Variants in CCSER1 observed in about 807,000 individuals in gnomAD.
CCSER1 encodes the protein serine-rich coiled-coil domain-containing protein 1.
In CCSER1, 41 loss-of-function variants were observed where a neutral mutation model predicts 82.0. That is an observed-to-expected ratio of 0.50 (90% CI 0.39 to 0.65). The LOEUF is 0.65. CCSER1 is among the 30% of genes least tolerant of loss of function. The pLI is 0.00. For synonymous variants in CCSER1, 414 were observed against 383.9 expected, an observed-to-expected ratio of 1.08 and a Z score of -0.92; for missense variants, 1,119 against 1,064.2, an observed-to-expected ratio of 1.05 and a Z score of -0.72.
At chr4:91,082,180 G>C (rs1474521588) in intron 9 of CCSER1, among the ~76,000 whole-genome samples, 1 of 152,186 alleles carries the variant, frequency 6.6e-6, no homozygotes, top group East Asian at 1.9e-4. Flanking sequence ...CAAGGCTACA[G>C]TAACCAAAAC....
At chr4:91,553,959 T>C (rs1212268225) in intron 10 of CCSER1, among the ~76,000 whole-genome samples, 2 of 151,218 alleles carry the variant, frequency 1.3e-5, no homozygotes, top group African/African-American at 4.9e-5. Context: ...TTCTTTTTAC[T>C]TAATGTGTAT....
chr4:90,143,491 T>TACAC (rs56859054), intron 1 of CCSER1, among the ~76,000 whole-genome samples: 6,466 of 141,280 alleles, frequency 0.046, 175 homozygotes, highest in African/African-American at 0.076. Context: ...AGTACACACA[T>TACAC]ACACACACAC....
At chr4:91,429,665 T>G (rs1284496871) in intron 10 of CCSER1, among the ~76,000 whole-genome samples, 1 of 151,910 alleles carries the variant, frequency 6.6e-6, no homozygotes, top group Non-Finnish European at 1.5e-5. Context: ...CCACAAACTT[T>G]ACTGATATTT....
chr4:90,275,063 T>A (rs1219112435), intron 1 of CCSER1, among the ~76,000 whole-genome samples: 1 of 152,198 alleles, frequency 6.6e-6, no homozygotes, highest in East Asian at 1.9e-4. Context: ...AATCTCTTTC[T>A]AACTTTATCG....
rs143497012 is a variant in CCSER1 at position 90,904,899 on chromosome 4, T to G, written c.2095-18471T>G. ...ACCCTTATTTTCAGTTCATCCTGCT[T>G]CTTCTTCGCCCATTCATCCCATCTC... On this transcript the variant is annotated intron_variant, in intron 8 of 10. Coordinates refer to ENST00000509176, the MANE Select transcript of CCSER1 (RefSeq NM_001145065.2). Among the ~76,000 whole-genome samples, 48 of 152,210 alleles carry G rather than the reference T, an allele frequency of 3.2e-4. No individual in the cohort carries two copies. The East Asian group carries it at 8.3e-3, about 26-fold the overall frequency.
intron 1 of CCSER1, among the ~76,000 whole-genome samples, chr4:90,132,936 G>C (rs1460613167): frequency 6.6e-6 from 1 of 152,142 alleles, no homozygotes; most frequent in Non-Finnish European, 1.5e-5. Context: ...TCTTAACCTA[G>C]AGTAGTGGTT....
intron 3 of CCSER1, among the ~76,000 whole-genome samples, chr4:90,336,866 C>T (rs1195683667): frequency 1.3e-5 from 2 of 152,156 alleles, no homozygotes; most frequent in African/African-American, 4.8e-5. Flanking sequence ...CTTCTGCATT[C>T]GTCAGCAATA....
intron 7 of CCSER1, chr4:90,725,103 A>G (rs1743399221): frequency 3.1e-6 from 1 of 326,318 alleles, no homozygotes; most frequent in Non-Finnish European, 6.2e-6. Context: ...TTTCTTTATT[A>G]TTATACAGAT....
intron 9 of CCSER1, among the ~76,000 whole-genome samples, chr4:90,980,765 A>T (rs1305770479): frequency 6.6e-6 from 1 of 151,768 alleles, no homozygotes; most frequent in Non-Finnish European, 1.5e-5. Context: ...GAATGCCACG[A>T]TGAAGGCCTG....
intron 10 of CCSER1, among the ~76,000 whole-genome samples, chr4:91,095,922 G>T (rs976126638): frequency 1.3e-5 from 2 of 152,112 alleles, no homozygotes; most frequent in Admixed American, 1.3e-4. Flanking sequence ...CCATTTAGTT[G>T]CCACCTGGAG....
chr4:91,389,684 C>A (rs1440958435), intron 10 of CCSER1, among the ~76,000 whole-genome samples: 1 of 151,908 alleles, frequency 6.6e-6, no homozygotes, highest in Non-Finnish European at 1.5e-5. Flanking sequence ...GACATCTTGA[C>A]AATATTGAGC....
rs536397986 is a variant in CCSER1, at chr4:91,190,990, G to T, written c.2217+104996G>T. Among the ~76,000 whole-genome samples the T allele has an allele frequency of 3.5e-4, 53 of 152,236 alleles. No individual in the cohort carries two copies. The East Asian group carries it at 9.8e-3, about 28-fold the overall frequency. On this transcript the variant is annotated intron_variant, in intron 10 of 10. Transcript: ENST00000509176. ...TTATCAGGATTAAATGAGTTAATCAGAATAATGTCTGAAACATAATGGATG... is the reference window on the plus strand; with the variant it reads ...TTATCAGGATTAAATGAGTTAATCATAATAATGTCTGAAACATAATGGATG...
intron 10 of CCSER1, among the ~76,000 whole-genome samples, chr4:91,421,035 G>T (rs1753656093): frequency 6.6e-6 from 1 of 151,924 alleles, no homozygotes; most frequent in African/African-American, 2.4e-5. Context: ...GTAGAATTGT[G>T]GTTCCCAGTG....
intron 3 of CCSER1, among the ~76,000 whole-genome samples, chr4:90,314,764 A>C (rs1242802332): frequency 1.3e-5 from 2 of 151,484 alleles, no homozygotes; most frequent in Non-Finnish European, 2.9e-5. Flanking sequence ...GATAAATAAA[A>C]AATAAATAAA....
intron 10 of CCSER1, among the ~76,000 whole-genome samples, chr4:91,548,097 G>GT (rs1244808345): frequency 6.6e-6 from 1 of 151,954 alleles, no homozygotes; most frequent in Non-Finnish European, 1.5e-5. Flanking sequence ...CCCTTTTATG[G>GT]TTTTGAGTGT....
intron 5 of CCSER1, among the ~76,000 whole-genome samples, chr4:90,605,118 C>T (rs545457526): frequency 9.2e-5 from 14 of 152,194 alleles, no homozygotes; most frequent in Non-Finnish European, 1.8e-4. Flanking sequence ...TGGTCTGCAG[C>T]TTCTCTCTTG....
chr4:90,559,758 C>G (rs1778519999), intron 5 of CCSER1, among the ~76,000 whole-genome samples: 1 of 140,002 alleles, frequency 7.1e-6, no homozygotes, highest in African/African-American at 2.8e-5. Flanking sequence ...TGCAGTGCGC[C>G]GAGATCGCGC....
chr4:91,256,959 G>A (rs762496440), intron 10 of CCSER1, among the ~76,000 whole-genome samples: 12 of 151,928 alleles, frequency 7.9e-5, no homozygotes, highest in African/African-American at 2.2e-4. Flanking sequence ...TAATAGTATC[G>A]TCATTCATAA....
chr4:91,015,664 T>C lies in CCSER1; in HGVS notation c.2173-70286T>C, dbSNP rs1033779954. 3.3e-5 allele frequency among the ~76,000 whole-genome samples: 5 copies of C among 151,896 alleles called. No homozygotes were observed. In the South Asian group the frequency reaches 1.0e-3, roughly 31 times the overall value. ...AATATTTATAAACAGGTACCTATTA[T>C]AAAATCTATAAACATATTAGCAATT... On this transcript the variant is annotated intron_variant, in intron 9 of 10. Coordinates refer to ENST00000509176, the MANE Select transcript of CCSER1 (RefSeq NM_001145065.2).
Sources: gnomAD v4.1 joint callset for allele counts (sites outside exome capture counted in the v4.1 genomes callset) on GRCh38, gnomAD v4.1.1 for gene constraint, MANE v1.5 for transcripts, NCBI Gene and HGNC (gene_info 2026-07-23, HGNC 2026-07-21) for gene names.